The following ZBTB8A variants were observed in gnomAD, a reference collection of about 807,000 sequenced individuals.
The protein encoded by ZBTB8A is zinc finger and BTB domain-containing protein 8A.
A neutral mutation model predicts 37.8 loss-of-function variants in ZBTB8A; 19 were observed. The observed-to-expected ratio is 0.50, with a 90% CI of 0.35 to 0.74. The LOEUF (loss-of-function observed/expected upper bound fraction) is 0.74. Among genes scored for constraint, ZBTB8A ranks in the 30% least tolerant of loss-of-function variants. The pLI, the probability that ZBTB8A is intolerant of heterozygous loss-of-function variation, is 0.01. For synonymous variants in ZBTB8A, 181 were observed against 185.2 expected (o/e 0.98, Z 0.19); for missense variants, 394 against 537.8 (o/e 0.73, Z 2.65).
At chr1:32,583,296 C>G (rs141654791) in intron 2 of ZBTB8A, among the ~76,000 whole-genome samples, 243 of 149,958 alleles carry the variant, frequency 1.6e-3, no homozygotes, top group African/African-American at 5.1e-3. Flanking sequence ...AGGAGGATTG[C>G]TTGAACCTGG....
chr1:32,548,565 C>T (rs1379848235), intron 1 of ZBTB8A, among the ~76,000 whole-genome samples: 2 of 152,112 alleles, frequency 1.3e-5, no homozygotes, highest in Non-Finnish European at 2.9e-5. Flanking sequence ...AACTCCTGAC[C>T]TCAGGTGATA....
At chr1:32,599,300 C>T (rs1206215411) in intron 4 of ZBTB8A, among the ~76,000 whole-genome samples, 1 of 151,766 alleles carries the variant, frequency 6.6e-6, no homozygotes, top group Non-Finnish European at 1.5e-5. Flanking sequence ...TGGCATGCAC[C>T]TGTAGTCCCA....
In ZBTB8A at chr1:32,593,655, C is replaced by A; in HGVS notation, c.724C>A (p.Gln242Lys). ...ATCTGATTCTTCCAGCCATGTTTCCCAGTCTGAAGAACAAGCACAGATTGA... is the reference window on the plus strand; with the variant it reads ...ATCTGATTCTTCCAGCCATGTTTCCAAGTCTGAAGAACAAGCACAGATTGA... ...RTSDSSSHVS[Q>K]SEEQAQIDAE... The change falls in exon 3 of 5, where the codon CAG becomes AAG. Residue 242 changes from glutamine to lysine, a missense_variant. Gln to Lys is a moderately conservative substitution (Grantham distance 53). Coordinates refer to ENST00000373510, the MANE Select transcript of ZBTB8A (RefSeq NM_001040441.3). 6.2e-7 allele frequency: 1 copy of A among 1,614,142 alleles called. No homozygotes were observed. The highest frequency in any genetic ancestry group is 8.5e-7 in the Non-Finnish European group (1 of 1,180,016).
At chr1:32,550,990 C>T (rs541865353) in intron 1 of ZBTB8A, among the ~76,000 whole-genome samples, 3 of 151,320 alleles carry the variant, frequency 2.0e-5, no homozygotes, top group East Asian at 1.9e-4. Context: ...AAATTACCAC[C>T]GTACACACCC....
At chr1:32,562,638 G>T (rs1644252669) in intron 2 of ZBTB8A, among the ~76,000 whole-genome samples, 1 of 148,102 alleles carries the variant, frequency 6.8e-6, no homozygotes, top group South Asian at 2.1e-4. Flanking sequence ...GTGCAGTGGC[G>T]TGATCTCAGC....
At chr1:32,563,418 C>G (rs1644257454) in intron 2 of ZBTB8A, among the ~76,000 whole-genome samples, 1 of 152,172 alleles carries the variant, frequency 6.6e-6, no homozygotes. Context: ...CAGGATTTCT[C>G]TCCTTTTCCC....
chr1:32,580,339 C>G (rs1461644934), intron 2 of ZBTB8A, among the ~76,000 whole-genome samples: 1 of 152,032 alleles, frequency 6.6e-6, no homozygotes, highest in African/African-American at 2.4e-5. Flanking sequence ...AGGCAGATCA[C>G]TTGAGTTCAG....
At chr1:32,550,479 T>C (rs966588278) in intron 1 of ZBTB8A, among the ~76,000 whole-genome samples, 4 of 151,898 alleles carry the variant, frequency 2.6e-5, no homozygotes, top group African/African-American at 9.7e-5. Context: ...AATAGCCAGG[T>C]GTGGTGGTAC....
At chr1:32,582,649 AAAAAG>A (rs1644416330) in intron 2 of ZBTB8A, among the ~76,000 whole-genome samples, 1 of 152,082 alleles carries the variant, frequency 6.6e-6, no homozygotes, top group East Asian at 1.9e-4. Context: ...CTCAAAAAAA[AAAAAG>A]AAGGATACTC....
intron 1 of ZBTB8A, among the ~76,000 whole-genome samples, chr1:32,541,355 C>T (rs561637413): frequency 6.6e-6 from 1 of 152,278 alleles, no homozygotes; most frequent in African/African-American, 2.4e-5. Flanking sequence ...TCCTTGCCTG[C>T]TCACCTCAGG....
chr1:32,567,821 A>C lies in ZBTB8A; in HGVS notation c.-2+14281A>C, dbSNP rs1644293729. Reference sequence around the variant, plus strand: ...AAAAAAAAAAAAAAAAAAAAAAAAAAAACAAAAACAAAACAAAACAAAAAA... The same window carrying C: ...AAAAAAAAAAAAAAAAAAAAAAAAACAACAAAAACAAAACAAAACAAAAAA... On this transcript the variant is annotated intron_variant, in intron 2 of 4. Coordinates refer to ENST00000373510, the MANE Select transcript of ZBTB8A (RefSeq NM_001040441.3). 5.4e-5 allele frequency among the ~76,000 whole-genome samples: 2 copies of C among 37,148 alleles called. 1 individual carries two copies. Among genetic ancestry groups the C allele is most frequent in the South Asian group, 2.2e-3 (2 of 908 alleles). The allele number at this position is 37,148 out of a possible 152,430, so 24.4% of individuals were successfully genotyped here.
At chr1:32,567,779 A>T (rs1316724694) in intron 2 of ZBTB8A, among the ~76,000 whole-genome samples, 1 of 116,866 alleles carries the variant, frequency 8.6e-6, no homozygotes, top group Non-Finnish European at 1.7e-5. Flanking sequence ...GTGATAGAGC[A>T]GGATTCTGTC....
At chr1:32,564,981 G>C (rs1263074968) in intron 2 of ZBTB8A, among the ~76,000 whole-genome samples, 3 of 152,128 alleles carry the variant, frequency 2.0e-5, no homozygotes, top group East Asian at 3.9e-4. Context: ...TAATTCTGTT[G>C]TTCATCAGTT....
chr1:32,544,132 C>A (rs959044044), intron 1 of ZBTB8A, among the ~76,000 whole-genome samples: 1 of 152,228 alleles, frequency 6.6e-6, no homozygotes, highest in African/African-American at 2.4e-5. Flanking sequence ...CCGTTCCCAG[C>A]CAGCATGAGG....
At chr1:32,576,635 G>T (rs1306630558) in intron 2 of ZBTB8A, among the ~76,000 whole-genome samples, 1 of 152,088 alleles carries the variant, frequency 6.6e-6, no homozygotes, top group Non-Finnish European at 1.5e-5. Context: ...CACTATGTTG[G>T]CCAGGCTGGT....
chr1:32,541,860 A>G (rs1314735128), intron 1 of ZBTB8A, among the ~76,000 whole-genome samples: 1 of 152,182 alleles, frequency 6.6e-6, no homozygotes, highest in African/African-American at 2.4e-5. Context: ...ATCGGGATGA[A>G]GTTTCAACAT....
chr1:32,595,246 G>GT, intron 4 of ZBTB8A, 23 bp downstream of exon 4: 1 of 1,596,412 alleles, frequency 6.3e-7, no homozygotes. Flanking sequence ...TTTTTTCATC[G>GT]TTTTACTAAT....
At chr1:32,560,180 G>A (rs528333420) in intron 2 of ZBTB8A, among the ~76,000 whole-genome samples, 7 of 152,240 alleles carry the variant, frequency 4.6e-5, no homozygotes, top group Admixed American at 2.0e-4. Flanking sequence ...GGGGGATGGT[G>A]CTAAACCATC....
chr1:32,601,611 A>G lies in ZBTB8A; in HGVS notation c.*1192A>G, dbSNP rs1570379700. Reference sequence around the variant, plus strand: ...GGTGGATACTATCTCCGATTTACAAATGAGGAAATTAAGGTCAGAAAGTCT... The same window carrying G: ...GGTGGATACTATCTCCGATTTACAAGTGAGGAAATTAAGGTCAGAAAGTCT... On this transcript the variant is annotated 3_prime_UTR_variant, in exon 5 of 5. Transcript: ENST00000373510. The G allele has an allele frequency of 7.5e-6, 3 of 398,478 alleles. No homozygotes were observed. In the East Asian group the frequency reaches 1.1e-4, roughly 14 times the overall value. The allele number at this position is 398,478 out of a possible 1,614,324, so 24.7% of individuals were successfully genotyped here.
Sources: gnomAD v4.1 joint callset for allele counts (sites outside exome capture counted in the v4.1 genomes callset) on GRCh38, gnomAD v4.1.1 for gene constraint, MANE v1.5 for transcripts, NCBI Gene and HGNC (gene_info 2026-07-23, HGNC 2026-07-21) for gene names.